Variants in JPH2 observed in about 807,000 individuals in gnomAD.
JPH2 encodes the protein junctophilin-2.
A neutral mutation model predicts 55.9 loss-of-function variants in JPH2; 38 were observed. The observed-to-expected ratio is 0.68, with a 90% CI of 0.52 to 0.89. The LOEUF (loss-of-function observed/expected upper bound fraction) is 0.89. Ranked by LOEUF, JPH2 falls within the 40% of genes least tolerant of loss-of-function variation. JPH2 has a pLI of 0.00. For synonymous variants in JPH2, 480 were observed against 472.4 expected (o/e 1.02, Z -0.21); for missense variants, 964 against 1,037.6 (o/e 0.93, Z 0.97).
At chr20:44,151,071 A>T (rs1652944447) in intron 2 of JPH2, among the ~76,000 whole-genome samples, 1 of 152,150 alleles carries the variant, frequency 6.6e-6, no homozygotes, top group Admixed American at 6.5e-5. Context: ...ATATGGAAAA[A>T]TTGCTAATAA....
At chr20:44,143,112 A>G (rs1189135697) in intron 2 of JPH2, among the ~76,000 whole-genome samples, 1 of 152,208 alleles carries the variant, frequency 6.6e-6, no homozygotes, top group Non-Finnish European at 1.5e-5. Context: ...CAAATGGAAC[A>G]GCATGTGCAA....
intron 3 of JPH2, among the ~76,000 whole-genome samples, chr20:44,116,588 A>G (rs45523640): frequency 9.3e-4 from 141 of 152,218 alleles, no homozygotes; most frequent in Non-Finnish European, 1.8e-3. Context: ...AGTTGATGCT[A>G]CTGTGAACCT....
chr20:44,117,798 A>G lies in JPH2; in HGVS notation c.1288+707T>C, dbSNP rs114485053. On this transcript the variant is annotated intron_variant, in intron 3 of 5. Transcript: ENST00000372980. ...CCCTCCTCTCCCATTCTAACCGCAC[A>G]GTGCTCATCCTGCTGTGTGAAATGG... 8.8e-3 allele frequency among the ~76,000 whole-genome samples: 1,338 copies of G among 152,308 alleles called. 22 individuals are homozygous for G. The highest frequency in any genetic ancestry group is 0.031 in the African/African-American group (1,269 of 41,562).
At chr20:44,158,185 G>A (rs1364817821) in intron 2 of JPH2, among the ~76,000 whole-genome samples, 3 of 152,248 alleles carry the variant, frequency 2.0e-5, no homozygotes, top group Admixed American at 6.5e-5. Context: ...AACGGCAGCT[G>A]CCGGTGGACC....
chr20:44,185,773 G>A (rs2072832670), intron 1 of JPH2, among the ~76,000 whole-genome samples: 1 of 151,806 alleles, frequency 6.6e-6, no homozygotes, highest in Admixed American at 6.6e-5. Context: ...ATGGTTGGGT[G>A]GAAGCATGAA....
chr20:44,172,564 C>G (rs563097703), intron 1 of JPH2, among the ~76,000 whole-genome samples: 13 of 152,328 alleles, frequency 8.5e-5, no homozygotes, highest in Admixed American at 6.5e-4. Context: ...ACAATCACAG[C>G]TCATTGCAGC....
intron 2 of JPH2, among the ~76,000 whole-genome samples, chr20:44,142,489 C>T (rs2072464868): frequency 6.6e-6 from 1 of 152,164 alleles, no homozygotes; most frequent in Non-Finnish European, 1.5e-5. Flanking sequence ...ACGCCAAGCA[C>T]ATGCCCACCT....
intron 1 of JPH2, among the ~76,000 whole-genome samples, chr20:44,161,342 C>G (rs1240797758): frequency 6.6e-6 from 1 of 152,058 alleles, no homozygotes; most frequent in Non-Finnish European, 1.5e-5. Context: ...GCAACTTAGG[C>G]CCTGCATGTA....
intron 2 of JPH2, among the ~76,000 whole-genome samples, chr20:44,130,347 C>T (rs933732337): frequency 4.6e-5 from 7 of 152,202 alleles, no homozygotes; most frequent in Middle Eastern, 3.2e-3. Flanking sequence ...TCAAGAGGCC[C>T]CCGAGTTTTA....
chr20:44,161,851 T>G (rs1213382158), intron 1 of JPH2, among the ~76,000 whole-genome samples: 2 of 152,150 alleles, frequency 1.3e-5, no homozygotes. Context: ...GCCATTTATG[T>G]CCTGCTGACC....
At chr20:44,181,336 AC>A (rs1230058441) in intron 1 of JPH2, among the ~76,000 whole-genome samples, 1 of 152,158 alleles carries the variant, frequency 6.6e-6, no homozygotes, top group Non-Finnish European at 1.5e-5. Flanking sequence ...TTAAACACAC[AC>A]GAACTCTCAC....
At chr20:44,153,822 A>C (rs1270746600) in intron 2 of JPH2, among the ~76,000 whole-genome samples, 1 of 152,170 alleles carries the variant, frequency 6.6e-6, no homozygotes, top group Non-Finnish European at 1.5e-5. Flanking sequence ...TAGAAGTTAG[A>C]AATTTGAGGT....
chr20:44,177,021 C>G (rs1322130395), intron 1 of JPH2: 2 of 985,320 alleles, frequency 2.0e-6, no homozygotes, highest in Non-Finnish European at 1.2e-6. Flanking sequence ...GAGCAGGGGT[C>G]ACTCTGGAGT....
At chr20:44,147,516 G>A (rs138005084) in intron 2 of JPH2, among the ~76,000 whole-genome samples, 18 of 152,314 alleles carry the variant, frequency 1.2e-4, no homozygotes, top group African/African-American at 4.1e-4. Flanking sequence ...GGTAGTCCTA[G>A]TTATGAAAAA....
chr20:44,108,326 C>G lies in JPH2; in HGVS notation c.*5192G>C, dbSNP rs920726408. On this transcript the variant is annotated 3_prime_UTR_variant, in exon 6 of 6. Coordinates refer to ENST00000372980, the MANE Select transcript of JPH2 (RefSeq NM_020433.5). ...CATTCTTTGCTTGTAATCAATGTGACTTGAGTAGAATAGCTTTCAGTGAGT... is the reference window on the plus strand; with the variant it reads ...CATTCTTTGCTTGTAATCAATGTGAGTTGAGTAGAATAGCTTTCAGTGAGT... 2.0e-5 allele frequency among the ~76,000 whole-genome samples: 3 copies of G among 152,192 alleles called. No homozygotes were observed. The highest frequency in any genetic ancestry group is 4.4e-5 in the Non-Finnish European group (3 of 68,022).
chr20:44,112,590 C>G lies in JPH2; in HGVS notation c.*928G>C, dbSNP rs1269242764. On this transcript the variant is annotated 3_prime_UTR_variant, in exon 6 of 6. Coordinates refer to ENST00000372980, the MANE Select transcript of JPH2 (RefSeq NM_020433.5). ...GGCTTCCATGGGCTTCTGTGCTCCCCTGAGCTTTCGGTGGGCCCTGATGGG... is the reference window on the plus strand; with the variant it reads ...GGCTTCCATGGGCTTCTGTGCTCCCGTGAGCTTTCGGTGGGCCCTGATGGG... The G allele has an allele frequency of 6.6e-6, 1 of 152,238 alleles. No homozygotes were observed. Among genetic ancestry groups the G allele is most frequent in the Non-Finnish European group, 1.5e-5 (1 of 68,084 alleles). 9.4% of individuals were successfully genotyped at this position (152,238 alleles called of 1,614,324 possible).
rs1171506703 is a variant in JPH2 at position 44,134,694 on chromosome 20, T to C, written c.1170-16071A>G. On this transcript the variant is annotated intron_variant, in intron 2 of 5. Coordinates refer to ENST00000372980, the MANE Select transcript of JPH2 (RefSeq NM_020433.5). ...TATATATTTATAAATATTATAAATA[T>C]ATATACATTAATATATATTATAAAT... 6.1e-5 allele frequency among the ~76,000 whole-genome samples: 3 copies of C among 49,098 alleles called. 1 individual carries two copies. Among genetic ancestry groups the C allele is most frequent in the Non-Finnish European group, 1.0e-4 (3 of 29,234 alleles). 32.2% of individuals were successfully genotyped at this position (49,098 alleles called of 152,430 possible).
At position 44,160,103 on chromosome 20, in the gene JPH2, G is replaced by A. The variant is rs2072598216; in HGVS notation, c.684C>T (p.Gly228=). The A allele has an allele frequency of 6.6e-7, 1 of 1,525,180 alleles. No individual in the cohort carries two copies. The highest frequency in any genetic ancestry group is 8.8e-7 in the Non-Finnish European group (1 of 1,141,404). The allele number at this position is 1,525,180 out of a possible 1,614,324, so 94.5% of individuals were successfully genotyped here. The stretch of plus-strand genomic sequence containing the variant: ...TGCGCGACTCTGCGCGCCGCAGCTT[G>A]CCCAGCAGCGCGCCCCGCTGGAAGA... ...GGLFQRGALL[G]KLRRAESRTS... The change falls in exon 2 of 6, where the codon GGC becomes GGT. Residue 228 remains glycine (G), a synonymous_variant. Coordinates refer to ENST00000372980, the MANE Select transcript of JPH2 (RefSeq NM_020433.5). This position sits in a 1 kb window ranked among gnomAD's most constrained non-coding sequence, Gnocchi z 4.9.
At chr20:44,151,135 T>TTA (rs1179582641) in intron 2 of JPH2, among the ~76,000 whole-genome samples, 2 of 152,220 alleles carry the variant, frequency 1.3e-5, no homozygotes, top group Middle Eastern at 3.2e-3. Context: ...CTCTCTCTAT[T>TTA]TATATATATG....
Sources: allele counts gnomAD v4.1 joint callset (sites outside exome capture counted in the v4.1 genomes callset), GRCh38; gene constraint gnomAD v4.1.1; non-coding constraint Gnocchi (gnomAD v3.1); transcripts MANE v1.5; gene names NCBI Gene and HGNC (gene_info 2026-07-23, HGNC 2026-07-21).